Variants in DMD observed in about 807,000 individuals in gnomAD.
The protein encoded by DMD is mutant dystrophin.
DMD carries 63 observed loss-of-function variants against 330.1 expected under a neutral mutation model. The ratio of observed to expected loss-of-function variants is 0.19; its 90% CI spans 0.16 to 0.24. DMD has a LOEUF of 0.24. DMD is among the 10% of genes least tolerant of loss of function. DMD has a pLI of 1.00. For missense variants in DMD, 3,344 were observed against 2,684.1 expected (o/e 1.25, Z -5.43); for synonymous variants, 1,223 against 959.8 (o/e 1.27, Z -5.07).
At chrX:31,463,088 A>T (rs1205180464) in intron 59 of DMD, among the ~76,000 whole-genome samples, 2 of 112,378 alleles carry the variant, frequency 1.8e-5, no homozygotes, top group African/African-American at 3.2e-5. Flanking sequence ...TTTAAAAAAT[A>T]AAACAAGAAC....
chrX:32,815,520 T>TATATATATATATATATAATATATATACAC, intron 6 of DMD, among the ~76,000 whole-genome samples: 3 of 78,916 alleles, frequency 3.8e-5, no homozygotes, highest in African/African-American at 1.6e-4. Flanking sequence ...TATATATATA[T>TATATATATATATATATAATATATATACAC]ACACACACAC....
chrX:32,312,324 T>G (rs1340589175), intron 41 of DMD, among the ~76,000 whole-genome samples: 2 of 111,307 alleles, frequency 1.8e-5, no homozygotes, highest in African/African-American at 6.5e-5. Flanking sequence ...TTCTAAGATG[T>G]TTTTATCTAT....
intron 7 of DMD, among the ~76,000 whole-genome samples, chrX:32,727,016 G>C (rs1265139751): frequency 9.0e-6 from 1 of 110,614 alleles, no homozygotes; most frequent in Non-Finnish European, 1.9e-5. Context: ...AATGGTTAAA[G>C]GCAGTCATGG....
At chrX:31,751,061 G>T (rs1450916462) in intron 51 of DMD, among the ~76,000 whole-genome samples, 3 of 108,021 alleles carry the variant, frequency 2.8e-5, no homozygotes, top group African/African-American at 1.0e-4. Flanking sequence ...CGTGTAAATG[G>T]CCATACTGCC....
intron 42 of DMD, among the ~76,000 whole-genome samples, chrX:32,306,316 CA>C (rs1478850088): frequency 9.0e-6 from 1 of 110,879 alleles, no homozygotes; most frequent in Non-Finnish European, 1.9e-5. Flanking sequence ...AAGAGCAATG[CA>C]AAAAACCTGA....
intron 30 of DMD, among the ~76,000 whole-genome samples, chrX:32,394,916 C>CAAAAACAAAAAAAAAAAAACAAAAAAAAA (rs2098030853): frequency 2.6e-5 from 1 of 39,033 alleles, no homozygotes; most frequent in African/African-American, 7.9e-5. Context: ...AACAAAAAAA[C>CAAAAACAAAAAAAAAAAAACAAAAAAAAA]AAAAAAAAAA....
chrX:32,803,417 C>A (rs2076726905), intron 7 of DMD, among the ~76,000 whole-genome samples: 1 of 105,601 alleles, frequency 9.5e-6, no homozygotes, highest in Non-Finnish European at 1.9e-5. Context: ...AAAAACAGCT[C>A]CTGAATTGAG....
chrX:32,528,985 A>G lies in DMD; in HGVS notation c.2169-10854T>C, dbSNP rs111662977. ...TGCCCAAGCTGGAGTGCAGTGACAC[A>G]ATCTTGGCTCACTGCAACCTCCGCC... On this transcript the variant is annotated intron_variant, in intron 17 of 78. Coordinates refer to ENST00000357033, the MANE Select transcript of DMD (RefSeq NM_004006.3). Among the ~76,000 whole-genome samples the G allele has an allele frequency of 9.3e-3, 962 of 103,457 alleles. 20 individuals carry two copies. The highest frequency in any genetic ancestry group is 0.068 in the Admixed American group (633 of 9,352). The allele number at this position is 103,457 out of a possible 115,157, so 89.8% of individuals were successfully genotyped here.
At chrX:32,943,837 C>T (rs759500850) in intron 2 of DMD, among the ~76,000 whole-genome samples, 1 of 111,981 alleles carries the variant, frequency 8.9e-6, no homozygotes, top group South Asian at 3.7e-4. Flanking sequence ...CAAATGAGAT[C>T]GAACATTTTT....
In DMD at chrX:32,965,279, G is replaced by A. The variant is rs192437376; in HGVS notation, c.93+54860C>T. Among the ~76,000 whole-genome samples the A allele has an allele frequency of 4.5e-3, 504 of 111,444 alleles. 1 individual carries two copies. Among genetic ancestry groups the A allele is most frequent in the Middle Eastern group, 9.3e-3 (2 of 215 alleles). On this transcript the variant is annotated intron_variant, in intron 2 of 78. Transcript: ENST00000357033. Reference sequence around the variant, plus strand: ...GGCCAAGGTGGGCGGATCATTTGAGGTCAGGAGTTCAAGACCAGCCTGACC... The same window carrying A: ...GGCCAAGGTGGGCGGATCATTTGAGATCAGGAGTTCAAGACCAGCCTGACC...
intron 2 of DMD, among the ~76,000 whole-genome samples, chrX:32,884,180 G>A (rs1336675833): frequency 9.0e-6 from 1 of 111,280 alleles, no homozygotes; most frequent in East Asian, 2.8e-4. Context: ...GGGTGACATA[G>A]GAAAGTAACT....
intron 1 of DMD, among the ~76,000 whole-genome samples, chrX:33,287,317 G>A (rs965523526): frequency 5.4e-5 from 6 of 110,228 alleles, no homozygotes; most frequent in Non-Finnish European, 1.9e-5. Context: ...CCTTTGCATT[G>A]TAGGATGTTT....
At chrX:31,614,131 C>T (rs1222955855) in intron 55 of DMD, among the ~76,000 whole-genome samples, 1 of 112,231 alleles carries the variant, frequency 8.9e-6, no homozygotes, top group Non-Finnish European at 1.9e-5. Flanking sequence ...AAAGCTACTG[C>T]AAAAACTAAA....
intron 37 of DMD, among the ~76,000 whole-genome samples, chrX:32,354,704 T>G (rs2097793061): frequency 9.0e-6 from 1 of 111,613 alleles, no homozygotes; most frequent in South Asian, 3.7e-4. Flanking sequence ...GGTTTACCTT[T>G]AATGCTTTGA....
At chrX:33,199,756 T>G (rs2051158969) in intron 1 of DMD, among the ~76,000 whole-genome samples, 2 of 111,436 alleles carry the variant, frequency 1.8e-5, no homozygotes, top group Non-Finnish European at 1.9e-5. Context: ...CAGCCTGCAA[T>G]GCAGACTGAA....
chrX:33,011,441 G>A (rs183235831), intron 2 of DMD, among the ~76,000 whole-genome samples: 72 of 111,755 alleles, frequency 6.4e-4, no homozygotes, highest in African/African-American at 2.2e-3. Context: ...TTGTCTCTGC[G>A]TAGACAACAC....
At chrX:31,758,818 A>G (rs2149168410) in intron 51 of DMD, among the ~76,000 whole-genome samples, 1 of 112,178 alleles carries the variant, frequency 8.9e-6, no homozygotes, top group East Asian at 2.8e-4. Flanking sequence ...AAATACTACT[A>G]TGATTTCAGC....
At chrX:32,984,024 G>C (rs1017074373) in intron 2 of DMD, among the ~76,000 whole-genome samples, 1 of 110,633 alleles carries the variant, frequency 9.0e-6, no homozygotes, top group Non-Finnish European at 1.9e-5. Flanking sequence ...GTCCTTTACC[G>C]TTTTTTTTAA....
At chrX:32,115,977 A>G (rs2096608846) in intron 44 of DMD, among the ~76,000 whole-genome samples, 1 of 111,951 alleles carries the variant, frequency 8.9e-6, no homozygotes, top group South Asian at 3.8e-4. Flanking sequence ...AAAGCAGATC[A>G]GGTATCTCCA....
Sources: allele counts gnomAD v4.1 joint callset (sites outside exome capture counted in the v4.1 genomes callset), GRCh38; gene constraint gnomAD v4.1.1; transcripts MANE v1.5; gene names NCBI Gene and HGNC (gene_info 2026-07-23, HGNC 2026-07-21).